Variants in PCDHGB6 observed in about 807,000 individuals in gnomAD.
PCDHGB6 encodes protocadherin gamma subfamily B, 6.
In PCDHGB6, 51 loss-of-function variants were observed where a neutral mutation model predicts 59.1. That is an observed-to-expected ratio of 0.86 (90% confidence interval 0.69 to 1.09). PCDHGB6 has a LOEUF of 1.09. PCDHGB6 is among the 50% of genes least tolerant of loss of function. The probability of loss-of-function intolerance (pLI) is 0.00; values close to 1 mark genes in which losing one functional copy is unlikely to be tolerated. For missense variants in PCDHGB6, 1,148 were observed against 1,205.1 expected, an observed-to-expected ratio of 0.95 and a Z score of 0.70; for synonymous variants, 466 against 495.1, an observed-to-expected ratio of 0.94 and a Z score of 0.78.
At chr5:141,484,453 C>T (rs1212059469) in intron 1 of PCDHGB6, among the ~76,000 whole-genome samples, 1 of 152,160 alleles carries the variant, frequency 6.6e-6, no homozygotes. Flanking sequence ...TAATTGGCTA[C>T]GTTAATGTGT....
Position 141,431,374 on chromosome 5 carries a change from GGCT to G in PCDHGB6, c.2418+20758_2418+20760del, listed in dbSNP as rs752583215. The G allele has an allele frequency of 1.7e-4, 275 of 1,613,980 alleles. No individual in the cohort carries two copies. Among genetic ancestry groups the G allele is most frequent in the Non-Finnish European group, 2.0e-4 (238 of 1,180,036 alleles). On this transcript the variant is annotated intron_variant, in intron 1 of 3. Coordinates refer to ENST00000520790, the MANE Select transcript of PCDHGB6 (RefSeq NM_018926.3). This position sits in a 1 kb window ranked among gnomAD's most constrained non-coding sequence, Gnocchi z 4.8. Reference sequence around the variant, plus strand: ...AACGCGCCCTGGACCGCGAAGAAAAGGCTGCTCACCACCTGGTCCTTACGGCCT... The same window carrying G: ...AACGCGCCCTGGACCGCGAAGAAAAGGCTCACCACCTGGTCCTTACGGCCT...
intron 1 of PCDHGB6, chr5:141,423,080 T>C: frequency 6.2e-7 from 1 of 1,614,050 alleles, no homozygotes; most frequent in East Asian, 2.2e-5. Flanking sequence ...CCGGGACTCT[T>C]CGCGGTGGGG....
At position 141,489,559 on chromosome 5, in the gene PCDHGB6, C is replaced by A; in HGVS notation, c.2419-5248C>A. ...CAGCACCAGCTGCCTGCTGCCAGTG[C>A]AGGTGGTGACTGAACACCCCCTGGA... On this transcript the variant is annotated intron_variant, in intron 1 of 3. Coordinates refer to ENST00000520790, the MANE Select transcript of PCDHGB6 (RefSeq NM_018926.3). This position sits in a 1 kb window ranked among gnomAD's most constrained non-coding sequence, Gnocchi z 4.5. The A allele has an allele frequency of 6.2e-7, 1 of 1,614,078 alleles. No homozygotes were observed. The highest frequency in any genetic ancestry group is 8.5e-7 in the Non-Finnish European group (1 of 1,180,014).
intron 1 of PCDHGB6, chr5:141,414,054 G>A: frequency 6.2e-7 from 1 of 1,610,250 alleles, no homozygotes; most frequent in Non-Finnish European, 8.5e-7. Flanking sequence ...ACACGCAATT[G>A]TTGAAGTTCC....
In PCDHGB6 at chr5:141,489,077, C is replaced by CCCCCCACCGGG; in HGVS notation, c.2419-5730_2419-5729insCCCCCACCGGG. ...AGCTCCCCTCCCCCCTGCCCACCCCCGCCACTCGGTGACTAAGAACTGCTG... is the reference window on the plus strand; with the variant it reads ...AGCTCCCCTCCCCCCTGCCCACCCCCCCCCCACCGGGGCCACTCGGTGACTAAGAACTGCTG... On this transcript the variant is annotated intron_variant, in intron 1 of 3. Transcript: ENST00000520790. The surrounding 1 kb of genome is among the most constrained non-coding windows in gnomAD (Gnocchi z 4.5). 6.1e-6 allele frequency: 2 copies of CCCCCCACCGGG among 325,756 alleles called. No individual in the cohort carries two copies. Among genetic ancestry groups the CCCCCCACCGGG allele is most frequent in the Non-Finnish European group, 5.5e-6 (1 of 181,460 alleles). The allele number at this position is 325,756 out of a possible 1,614,324, so 20.2% of individuals were successfully genotyped here.
chr5:141,476,979 G>A lies in PCDHGB6; in HGVS notation c.2419-17828G>A, dbSNP rs772801536. On this transcript the variant is annotated intron_variant, in intron 1 of 3. Coordinates refer to ENST00000520790, the MANE Select transcript of PCDHGB6 (RefSeq NM_018926.3). The surrounding 1 kb of genome is among the most constrained non-coding windows in gnomAD (Gnocchi z 7.6). ...ATTTACTCCTTCGGCAGCCACAACC[G>A]CGCCGGCGTGCGGCAACTATTCGCC... The A allele has an allele frequency of 1.9e-6, 3 of 1,614,238 alleles. No homozygotes were observed. The South Asian group carries it at 3.3e-5, about 18-fold the overall frequency.
chr5:141,506,209 G>A (rs549403288), intron 3 of PCDHGB6, among the ~76,000 whole-genome samples: 3 of 152,284 alleles, frequency 2.0e-5, no homozygotes, highest in African/African-American at 7.2e-5. Context: ...CCAGCACTTT[G>A]GGAAGCTGAG....
rs772043134 is a variant in PCDHGB6, at chr5:141,432,746, G to A, written c.2418+22126G>A. 1.2e-6 allele frequency: 2 copies of A among 1,614,098 alleles called. No homozygotes were observed. Among genetic ancestry groups the A allele is most frequent in the East Asian group, 4.5e-5 (2 of 44,860 alleles). On this transcript the variant is annotated intron_variant, in intron 1 of 3. Coordinates refer to ENST00000520790, the MANE Select transcript of PCDHGB6 (RefSeq NM_018926.3). The surrounding 1 kb of genome is among the most constrained non-coding windows in gnomAD (Gnocchi z 6.0). ...CTCCGCCACTGTCACGCTCACCGTGGCCGTGGCCGACAGCATCCCCCAAGT... is the reference window on the plus strand; with the variant it reads ...CTCCGCCACTGTCACGCTCACCGTGACCGTGGCCGACAGCATCCCCCAAGT...
Position 141,490,330 on chromosome 5 carries a change from C to G in PCDHGB6, c.2419-4477C>G. 4 of 1,614,198 alleles carry G rather than the reference C, an allele frequency of 2.5e-6. No homozygotes were observed. Among genetic ancestry groups the G allele is most frequent in the South Asian group, 1.1e-5 (1 of 91,082 alleles). On this transcript the variant is annotated intron_variant, in intron 1 of 3. Coordinates refer to ENST00000520790, the MANE Select transcript of PCDHGB6 (RefSeq NM_018926.3). This position sits in a 1 kb window ranked among gnomAD's most constrained non-coding sequence, Gnocchi z 5.4. ...GGCCAACCCTGTCCTAGAGAGCACACCAGTGGGCACAGTAGTGGGGTTGTT... is the reference window on the plus strand; with the variant it reads ...GGCCAACCCTGTCCTAGAGAGCACAGCAGTGGGCACAGTAGTGGGGTTGTT...
chr5:141,410,524 T>A lies in PCDHGB6; in HGVS notation c.2322T>A (p.His774Gln). 1 of 1,613,954 alleles carries A rather than the reference T, an allele frequency of 6.2e-7. No homozygotes were observed. The change falls in exon 1 of 4, where the codon CAT (histidine) becomes CAA (glutamine). Residue 774 changes from histidine to glutamine, a missense_variant. Physicochemically the swap from His to Gln is conservative, Grantham distance 24 (BLOSUM62 0). Around this residue, in one of 5 missense-constraint regions of PCDHGB6, gnomAD observed 283 missense variants for 318.6 expected, o/e 0.89. Coordinates refer to ENST00000520790, the MANE Select transcript of PCDHGB6 (RefSeq NM_018926.3). ...FNFLKCSVPL[H>Q]SNEDMVCSVS... ...TCCTAAAATGCAGTGTGCCCCTACA[T>A]TCCAATGAAGACATGGTTTGCAGTG...
chr5:141,459,993 G>T (rs1320315247), intron 1 of PCDHGB6, among the ~76,000 whole-genome samples: 1 of 152,164 alleles, frequency 6.6e-6, no homozygotes, highest in African/African-American at 2.4e-5. Context: ...CAGGAGAATC[G>T]CTTGAACCCA....
At position 141,486,090 on chromosome 5, in the gene PCDHGB6, G is replaced by C. The variant is rs190955361; in HGVS notation, c.2419-8717G>C. On this transcript the variant is annotated intron_variant, in intron 1 of 3. Transcript: ENST00000520790. The surrounding 1 kb of genome is among the most constrained non-coding windows in gnomAD (Gnocchi z 5.0). ...ACTACTGGAAAGCTTACTCTTTTGG[G>C]GCCCCTAGACTTTGAGAGTGAGAAT... 4 of 1,614,086 alleles carry C rather than the reference G, an allele frequency of 2.5e-6. No individual in the cohort carries two copies. The Admixed American group carries it at 6.7e-5, about 27-fold the overall frequency.
chr5:141,489,073 C>A lies in PCDHGB6; in HGVS notation c.2419-5734C>A, dbSNP rs2099681983. 3.2e-6 allele frequency: 1 copy of A among 315,630 alleles called. No individual in the cohort carries two copies. The highest frequency in any genetic ancestry group is 5.7e-6 in the Non-Finnish European group (1 of 173,976). 19.6% of individuals were successfully genotyped at this position (315,630 alleles called of 1,614,324 possible). A position where few individuals can be genotyped will look rare whatever the true frequency, so the allele number is the denominator to read the frequency against. ...ATTCAGCTCCCCTCCCCCCTGCCCA[C>A]CCCCGCCACTCGGTGACTAAGAACT... On this transcript the variant is annotated intron_variant, in intron 1 of 3. Coordinates refer to ENST00000520790, the MANE Select transcript of PCDHGB6 (RefSeq NM_018926.3). The surrounding 1 kb of genome is among the most constrained non-coding windows in gnomAD (Gnocchi z 4.5).
intron 1 of PCDHGB6, chr5:141,426,685 A>C (rs1342844985): frequency 4.6e-6 from 2 of 432,608 alleles, no homozygotes; most frequent in African/African-American, 2.0e-5. Flanking sequence ...CATTTTCCCC[A>C]AAATAGCATT....
intron 1 of PCDHGB6, among the ~76,000 whole-genome samples, chr5:141,492,438 G>C (rs2099740636): frequency 6.6e-6 from 1 of 152,236 alleles, no homozygotes; most frequent in Non-Finnish European, 1.5e-5. Flanking sequence ...AGGAGTACTC[G>C]TAGCTGATTG....
intron 1 of PCDHGB6, chr5:141,420,220 A>G (rs2096478738): frequency 6.2e-7 from 1 of 1,608,142 alleles, no homozygotes; most frequent in African/African-American, 1.3e-5. Flanking sequence ...ATAGCATGCT[A>G]CTGGCTAGCA....
At chr5:141,459,199 A>G (rs930769883) in intron 1 of PCDHGB6, among the ~76,000 whole-genome samples, 6 of 152,200 alleles carry the variant, frequency 3.9e-5, no homozygotes, top group African/African-American at 1.4e-4. Flanking sequence ...TTTGCAATCA[A>G]TTCACTACTT....
Position 141,431,354 on chromosome 5 carries a change from G to A in PCDHGB6, c.2418+20734G>A, listed in dbSNP as rs777198567. On this transcript the variant is annotated intron_variant, in intron 1 of 3. Coordinates refer to ENST00000520790, the MANE Select transcript of PCDHGB6 (RefSeq NM_018926.3). This position sits in a 1 kb window ranked among gnomAD's most constrained non-coding sequence, Gnocchi z 4.8. ...GTACCCCGAATTGGTGCTGAAACGC[G>A]CCCTGGACCGCGAAGAAAAGGCTGC... is the stretch of plus-strand genomic sequence containing the variant. 1 of 1,614,036 alleles carries A rather than the reference G, an allele frequency of 6.2e-7. No homozygotes were observed. Among genetic ancestry groups the A allele is most frequent in the South Asian group, 1.1e-5 (1 of 91,086 alleles).
intron 1 of PCDHGB6, among the ~76,000 whole-genome samples, chr5:141,474,250 A>G (rs2099346141): frequency 6.6e-6 from 1 of 152,236 alleles, no homozygotes; most frequent in East Asian, 1.9e-4. Flanking sequence ...GGGGAAAAAA[A>G]GACTGATAAA....
Sources: gnomAD v4.1 joint callset for allele counts (sites outside exome capture counted in the v4.1 genomes callset) on GRCh38, gnomAD v4.1.1 for gene constraint, gnomAD v4.1.1 regional missense constraint, Gnocchi (gnomAD v3.1) non-coding constraint, MANE v1.5 for transcripts, NCBI Gene and HGNC (gene_info 2026-07-23, HGNC 2026-07-21) for gene names.